The following LUZP2 variants were observed in gnomAD, a reference collection of about 807,000 sequenced individuals.
The protein encoded by LUZP2 is leucine zipper protein 2.
In LUZP2, 52 loss-of-function variants were observed where a neutral mutation model predicts 51.6. That is an observed-to-expected ratio of 1.01 (90% confidence interval 0.81 to 1.27). The LOEUF is 1.27. Ranked by LOEUF, LUZP2 falls within the 50% of genes most tolerant of loss-of-function variation. LUZP2 has a pLI of 0.00. For missense variants in LUZP2, 436 were observed against 395.4 expected (o/e 1.10, Z -0.87); for synonymous variants, 154 against 137.3 (o/e 1.12, Z -0.85).
chr11:24,671,460 A>G (rs577062714), intron 1 of LUZP2, among the ~76,000 whole-genome samples: 298 of 152,166 alleles, frequency 2.0e-3, no homozygotes, highest in African/African-American at 6.9e-3. Context: ...AATAGTTGTT[A>G]TTCAAACAGC....
At chr11:25,041,086 C>T (rs972709048) in intron 9 of LUZP2, among the ~76,000 whole-genome samples, 2 of 152,042 alleles carry the variant, frequency 1.3e-5, no homozygotes, top group Admixed American at 6.6e-5. Context: ...TTCTTAATAC[C>T]ATTGTTTATA....
intron 1 of LUZP2, among the ~76,000 whole-genome samples, chr11:24,537,173 T>C (rs72872600): frequency 0.072 from 10,920 of 151,910 alleles, 537 homozygotes; most frequent in South Asian, 0.12. Context: ...TGAAATATTG[T>C]GAGAATTAAC....
chr11:24,631,690 AG>A (rs1361295888), intron 1 of LUZP2, among the ~76,000 whole-genome samples: 3 of 151,938 alleles, frequency 2.0e-5, no homozygotes, highest in African/African-American at 7.2e-5. Context: ...GTTGGGTCTC[AG>A]GGTGATACTA....
chr11:24,874,323 A>C (rs1852179562), intron 5 of LUZP2, among the ~76,000 whole-genome samples: 1 of 152,104 alleles, frequency 6.6e-6, no homozygotes, highest in Non-Finnish European at 1.5e-5. Flanking sequence ...GGTGGCGGGC[A>C]GTTGAAAGAA....
chr11:24,689,780 C>T (rs1857011779), intron 1 of LUZP2, among the ~76,000 whole-genome samples: 1 of 152,084 alleles, frequency 6.6e-6, no homozygotes, highest in African/African-American at 2.4e-5. Context: ...ATGTTCCTGA[C>T]CCAAAACTGT....
intron 7 of LUZP2, among the ~76,000 whole-genome samples, chr11:24,971,851 T>G (rs533362807): frequency 1.3e-5 from 2 of 152,158 alleles, no homozygotes; most frequent in East Asian, 3.9e-4. Context: ...ATTAAAACCC[T>G]GGGCATGGCC....
At chr11:24,763,786 A>G (rs1860077826) in intron 5 of LUZP2, among the ~76,000 whole-genome samples, 1 of 152,198 alleles carries the variant, frequency 6.6e-6, no homozygotes, top group Admixed American at 6.5e-5. Context: ...CCTATTAAAT[A>G]CTGCATACAT....
chr11:24,905,650 G>T (rs1248425926), intron 5 of LUZP2, among the ~76,000 whole-genome samples: 1 of 152,144 alleles, frequency 6.6e-6, no homozygotes, highest in Non-Finnish European at 1.5e-5. Context: ...AAGTTCTCCA[G>T]TATAGACTGT....
At chr11:24,996,917 T>C (rs376704107) in intron 9 of LUZP2, among the ~76,000 whole-genome samples, 2,314 of 151,508 alleles carry the variant, frequency 0.015, 30 homozygotes, top group Admixed American at 0.023. Flanking sequence ...TGATTTCCAA[T>C]TTCATCCATG....
chr11:24,640,041 T>C lies in LUZP2; in HGVS notation c.63-89128T>C, dbSNP rs189020706. 2.0e-5 allele frequency among the ~76,000 whole-genome samples: 3 copies of C among 152,034 alleles called. No individual in the cohort carries two copies. In the East Asian group the frequency reaches 5.8e-4, roughly 29 times the overall value. On this transcript the variant is annotated intron_variant, in intron 1 of 11. Coordinates refer to ENST00000336930, the MANE Select transcript of LUZP2 (RefSeq NM_001009909.4). ...CATTGTTTTTGCTAATGTTGCTTAT[T>C]GAAGACAGGCTCCTACCCTCCCATA...
chr11:24,538,704 C>A (rs116814882), intron 1 of LUZP2, among the ~76,000 whole-genome samples: 1 of 150,678 alleles, frequency 6.6e-6, no homozygotes, highest in South Asian at 2.1e-4. Flanking sequence ...AAAATAAGTC[C>A]ATTTCTGATA....
chr11:24,619,121 T>C (rs1233921853), intron 1 of LUZP2, among the ~76,000 whole-genome samples: 1 of 152,064 alleles, frequency 6.6e-6, no homozygotes, highest in Non-Finnish European at 1.5e-5. Flanking sequence ...CTCAAACTCC[T>C]GGGCTCAGGC....
At chr11:24,571,742 C>A (rs1852449255) in intron 1 of LUZP2, among the ~76,000 whole-genome samples, 1 of 151,974 alleles carries the variant, frequency 6.6e-6, no homozygotes, top group Non-Finnish European at 1.5e-5. Context: ...GTTTAAAATT[C>A]TCTTTTTAAT....
chr11:24,607,368 T>A (rs1279617241), intron 1 of LUZP2, among the ~76,000 whole-genome samples: 1 of 111,562 alleles, frequency 9.0e-6, no homozygotes, highest in African/African-American at 3.7e-5. Context: ...TTTTTTTTTT[T>A]TTGCTTGTGG....
chr11:24,546,978 G>T (rs34350776), intron 1 of LUZP2, among the ~76,000 whole-genome samples: 4 of 48,068 alleles, frequency 8.3e-5, no homozygotes, highest in African/African-American at 2.5e-4. Context: ...GGTGGTGGTG[G>T]TGGTGGTGGT....
intron 1 of LUZP2, chr11:24,646,539 T>C (rs185842571): frequency 2.1e-6 from 2 of 969,684 alleles, no homozygotes; most frequent in Admixed American, 1.2e-4. Context: ...AATAGTCTCT[T>C]GATTGCAAGA....
chr11:25,048,427 A>G (rs1005396833), intron 9 of LUZP2, among the ~76,000 whole-genome samples: 16 of 152,176 alleles, frequency 1.1e-4, no homozygotes, highest in African/African-American at 2.9e-4. Flanking sequence ...CCTGCACTTA[A>G]TAAGCTTTAT....
At chr11:25,050,836 C>G (rs1380155063) in intron 10 of LUZP2, among the ~76,000 whole-genome samples, 1 of 152,120 alleles carries the variant, frequency 6.6e-6, no homozygotes. Context: ...ACTCAGCATA[C>G]AGAGACATCA....
chr11:24,827,184 T>A (rs1374055720), intron 5 of LUZP2, among the ~76,000 whole-genome samples: 1 of 152,174 alleles, frequency 6.6e-6, no homozygotes, highest in Non-Finnish European at 1.5e-5. Flanking sequence ...TTGAGGGACC[T>A]TGGATTTGTA....
Sources: allele counts gnomAD v4.1 joint callset (sites outside exome capture counted in the v4.1 genomes callset), GRCh38; gene constraint gnomAD v4.1.1; transcripts MANE v1.5; gene names NCBI Gene and HGNC (gene_info 2026-07-23, HGNC 2026-07-21).